Variants in GPR39 observed in about 807,000 individuals in gnomAD.
GPR39 encodes the protein G protein-coupled receptor 39, also known as zinc sensing receptor.
In GPR39, 23 loss-of-function variants were observed where a neutral mutation model predicts 18.4. The ratio of observed to expected loss-of-function variants is 1.25; its 90% CI spans 0.90 to 1.77. The LOEUF is 1.77. GPR39 is among the 40% of genes most tolerant of loss of function. The pLI is 0.00. For missense variants in GPR39, 647 were observed against 602.4 expected (o/e 1.07, Z -0.78); for synonymous variants, 280 against 257.9 (o/e 1.09, Z -0.82).
At chr2:132,583,293 G>C (rs1167044178) in intron 1 of GPR39, among the ~76,000 whole-genome samples, 2 of 151,686 alleles carry the variant, frequency 1.3e-5, no homozygotes, top group Admixed American at 6.6e-5. Context: ...ATCCCTTACT[G>C]TGGGTCAAAA....
intron 1 of GPR39, among the ~76,000 whole-genome samples, chr2:132,575,484 G>A (rs7584272): frequency 7.3e-4 from 111 of 152,288 alleles, no homozygotes; most frequent in African/African-American, 2.6e-3. Flanking sequence ...TGATCCTCCT[G>A]CCTCAGCCTC....
intron 1 of GPR39, among the ~76,000 whole-genome samples, chr2:132,548,494 T>C (rs1248239782): frequency 6.6e-6 from 1 of 152,224 alleles, no homozygotes; most frequent in African/African-American, 2.4e-5. Context: ...AGATGTCTAA[T>C]GGACAGACTT....
intron 1 of GPR39, among the ~76,000 whole-genome samples, chr2:132,596,373 G>A (rs2104836775): frequency 6.6e-6 from 1 of 151,874 alleles, no homozygotes; most frequent in African/African-American, 2.4e-5. Context: ...AATGCCTCCA[G>A]CACATAGTAA....
At chr2:132,445,455 C>CA (rs915977284) in intron 1 of GPR39, among the ~76,000 whole-genome samples, 48 of 152,218 alleles carry the variant, frequency 3.2e-4, no homozygotes, top group African/African-American at 1.1e-3. Context: ...ATTTGTTAAT[C>CA]AAAAGTTTAA....
At chr2:132,584,729 C>T (rs1680693857) in intron 1 of GPR39, among the ~76,000 whole-genome samples, 2 of 152,154 alleles carry the variant, frequency 1.3e-5, no homozygotes, top group African/African-American at 4.8e-5. Context: ...GAAAAGCAGG[C>T]AGGATCGGAT....
intron 1 of GPR39, among the ~76,000 whole-genome samples, chr2:132,440,644 A>G (rs1239461928): frequency 2.0e-5 from 3 of 152,220 alleles, no homozygotes; most frequent in Non-Finnish European, 2.9e-5. Context: ...AAGTTTAACA[A>G]CCACTGACAT....
intron 1 of GPR39, among the ~76,000 whole-genome samples, chr2:132,424,926 G>GT (rs1158429240): frequency 6.6e-6 from 1 of 152,140 alleles, no homozygotes; most frequent in Non-Finnish European, 1.5e-5. Context: ...TGGCCAGACA[G>GT]TGACTGCTTC....
chr2:132,636,580 G>A (rs1373143434), intron 1 of GPR39, among the ~76,000 whole-genome samples: 1 of 152,216 alleles, frequency 6.6e-6, no homozygotes, highest in Non-Finnish European at 1.5e-5. Context: ...AACAGCACCT[G>A]CCTGGGAAGC....
chr2:132,429,969 G>A (rs1680195035), intron 1 of GPR39, among the ~76,000 whole-genome samples: 1 of 152,234 alleles, frequency 6.6e-6, no homozygotes, highest in Non-Finnish European at 1.5e-5. Flanking sequence ...GAAGTTGATA[G>A]CTAGGCTAAT....
intron 1 of GPR39, among the ~76,000 whole-genome samples, chr2:132,424,598 C>T (rs576798587): frequency 6.6e-6 from 1 of 152,276 alleles, no homozygotes; most frequent in Admixed American, 6.5e-5. Flanking sequence ...TGAGCCCAGC[C>T]TAGTGGACTG....
intron 1 of GPR39, among the ~76,000 whole-genome samples, chr2:132,482,657 C>T (rs758070720): frequency 4.0e-4 from 61 of 152,200 alleles, no homozygotes; most frequent in Admixed American, 9.8e-4. Flanking sequence ...CATTAATTTA[C>T]ATTCCCTCAC....
intron 1 of GPR39, among the ~76,000 whole-genome samples, chr2:132,440,214 A>G (rs1198858791): frequency 6.6e-6 from 1 of 152,214 alleles, no homozygotes; most frequent in Non-Finnish European, 1.5e-5. Flanking sequence ...CCCTACTGAT[A>G]GAAATGTTGA....
chr2:132,631,307 A>G (rs910942963), intron 1 of GPR39, among the ~76,000 whole-genome samples: 2 of 152,238 alleles, frequency 1.3e-5, no homozygotes, highest in Non-Finnish European at 2.9e-5. Flanking sequence ...TTTAATGTTC[A>G]CAAATTTGCA....
At chr2:132,513,896 G>A (rs2104760952) in intron 1 of GPR39, among the ~76,000 whole-genome samples, 1 of 152,244 alleles carries the variant, frequency 6.6e-6, no homozygotes, top group Non-Finnish European at 1.5e-5. Context: ...TGTATTTTTT[G>A]TAGGGGTGGG....
At chr2:132,635,532 T>TA (rs1485780962) in intron 1 of GPR39, among the ~76,000 whole-genome samples, 1 of 151,488 alleles carries the variant, frequency 6.6e-6, no homozygotes, top group Non-Finnish European at 1.5e-5. Context: ...GTGAGAGGAA[T>TA]AGGGAGGAAG....
At chr2:132,457,414 T>C (rs570319496) in intron 1 of GPR39, among the ~76,000 whole-genome samples, 20 of 152,318 alleles carry the variant, frequency 1.3e-4, no homozygotes, top group African/African-American at 4.8e-4. Context: ...TTCCTTGCGA[T>C]GGGTTCGAAT....
At chr2:132,562,157 T>G (rs952221617) in intron 1 of GPR39, among the ~76,000 whole-genome samples, 7 of 148,858 alleles carry the variant, frequency 4.7e-5, no homozygotes, top group Admixed American at 1.3e-4. Context: ...AGGCATCCAT[T>G]TTTTTTTTTA....
chr2:132,513,775 A>G (rs1280189414), intron 1 of GPR39, among the ~76,000 whole-genome samples: 1 of 152,160 alleles, frequency 6.6e-6, no homozygotes, highest in Non-Finnish European at 1.5e-5. Flanking sequence ...GCAGTGGTGC[A>G]TTCACAGCTC....
chr2:132,621,004 G>A (rs576094226), intron 1 of GPR39, among the ~76,000 whole-genome samples: 3 of 152,162 alleles, frequency 2.0e-5, no homozygotes, highest in East Asian at 1.9e-4. Context: ...CACCCACCTC[G>A]GCCTCCCAAA....
Sources: allele counts gnomAD v4.1 joint callset (sites outside exome capture counted in the v4.1 genomes callset), GRCh38; gene constraint gnomAD v4.1.1; transcripts MANE v1.5; gene names NCBI Gene and HGNC (gene_info 2026-07-23, HGNC 2026-07-21).